Variants in COMMD10 observed in about 807,000 individuals in gnomAD.
COMMD10 encodes COMM domain containing 10.
COMMD10 carries 33 observed loss-of-function variants against 28.9 expected under a neutral mutation model. The observed-to-expected ratio is 1.14, with a 90% CI of 0.87 to 1.53. The LOEUF is 1.53. COMMD10 is among the 40% of genes most tolerant of loss of function. COMMD10 has a pLI of 0.00. For synonymous variants in COMMD10, 110 were observed against 81.7 expected (o/e 1.35, Z -1.87); for missense variants, 310 against 233.4 (o/e 1.33, Z -2.14).
intron 6 of COMMD10, 97 bp downstream of exon 6, chr5:116,291,673 A>G (rs1751365686): frequency 1.5e-6 from 1 of 668,904 alleles, no homozygotes; most frequent in Non-Finnish European, 2.5e-6. Context: ...CATATTATGG[A>G]ACTAAGTTCT....
At chr5:116,251,290 A>AC (rs1554055489) in intron 5 of COMMD10, among the ~76,000 whole-genome samples, 2 of 136,930 alleles carry the variant, frequency 1.5e-5, no homozygotes, top group African/African-American at 5.7e-5. Flanking sequence ...TTATTTATTT[A>AC]TTTATTTATT....
At chr5:116,209,410 A>G (rs1484071303) in intron 5 of COMMD10, among the ~76,000 whole-genome samples, 1 of 152,198 alleles carries the variant, frequency 6.6e-6, no homozygotes. Flanking sequence ...TGATTTCAAA[A>G]TAGTGTTTCT....
At chr5:116,160,616 A>G (rs745739942) in intron 5 of COMMD10, among the ~76,000 whole-genome samples, 5 of 151,734 alleles carry the variant, frequency 3.3e-5, no homozygotes, top group African/African-American at 4.9e-5. Flanking sequence ...AAGAACTGCT[A>G]TCTGTGAAAG....
At chr5:116,173,007 T>A (rs1003328900) in intron 5 of COMMD10, among the ~76,000 whole-genome samples, 1 of 152,148 alleles carries the variant, frequency 6.6e-6, no homozygotes, top group Non-Finnish European at 1.5e-5. Flanking sequence ...ATGGCAGTAT[T>A]AGAATACTGA....
At chr5:116,133,285 A>C (rs1481717047) in intron 4 of COMMD10, among the ~76,000 whole-genome samples, 1 of 152,216 alleles carries the variant, frequency 6.6e-6, no homozygotes, top group East Asian at 1.9e-4. Context: ...TGTGAAGTTC[A>C]GTATAAAGTC....
chr5:116,175,865 CA>C (rs1246266083), intron 5 of COMMD10, among the ~76,000 whole-genome samples: 3 of 151,814 alleles, frequency 2.0e-5, no homozygotes, highest in Admixed American at 6.6e-5. Context: ...TGCTAGAGGC[CA>C]GGGGGAATGA....
chr5:116,222,695 T>C (rs887873761), intron 5 of COMMD10, among the ~76,000 whole-genome samples: 10 of 152,154 alleles, frequency 6.6e-5, no homozygotes, highest in Non-Finnish European at 1.5e-4. Flanking sequence ...TTTATTTATT[T>C]GTTTATTATT....
intron 5 of COMMD10, among the ~76,000 whole-genome samples, chr5:116,201,659 C>T (rs75652068): frequency 0.016 from 2,375 of 152,086 alleles, 79 homozygotes; most frequent in African/African-American, 0.055. Context: ...TGGTGACTTC[C>T]AAGCTTCTTA....
chr5:116,157,841 C>T (rs2112562213), intron 5 of COMMD10, among the ~76,000 whole-genome samples: 1 of 151,920 alleles, frequency 6.6e-6, no homozygotes, highest in South Asian at 2.1e-4. Context: ...TCCAGAACTG[C>T]TAGTAACAGT....
chr5:116,247,632 T>TA (rs1172397375), intron 5 of COMMD10, among the ~76,000 whole-genome samples: 4 of 151,996 alleles, frequency 2.6e-5, no homozygotes, highest in Admixed American at 1.3e-4. Flanking sequence ...TATGCAGCCA[T>TA]AAAAAAGAAC....
At chr5:116,281,538 A>G (rs900424117) in intron 5 of COMMD10, among the ~76,000 whole-genome samples, 4 of 151,702 alleles carry the variant, frequency 2.6e-5, no homozygotes, top group Non-Finnish European at 4.4e-5. Context: ...GTACTAATGC[A>G]TGAGATCAGC....
intron 5 of COMMD10, among the ~76,000 whole-genome samples, chr5:116,147,731 C>T (rs574721922): frequency 2.0e-5 from 3 of 151,818 alleles, no homozygotes; most frequent in Admixed American, 2.0e-4. Context: ...TTGATTTTGT[C>T]TTTTAAAAAA....
chr5:116,104,742 C>T (rs1750783682), intron 4 of COMMD10, among the ~76,000 whole-genome samples: 1 of 152,020 alleles, frequency 6.6e-6, no homozygotes, highest in Non-Finnish European at 1.5e-5. Flanking sequence ...GCCTCAGCCT[C>T]CCTAGTAGCT....
At chr5:116,160,068 T>C (rs941331881) in intron 5 of COMMD10, among the ~76,000 whole-genome samples, 2 of 152,178 alleles carry the variant, frequency 1.3e-5, no homozygotes, top group South Asian at 2.1e-4. Context: ...TAGTGAATTA[T>C]AGAGGTCCAT....
chr5:116,264,416 T>A (rs946297891), intron 5 of COMMD10, among the ~76,000 whole-genome samples: 1 of 151,844 alleles, frequency 6.6e-6, no homozygotes, highest in Non-Finnish European at 1.5e-5. Flanking sequence ...AAAATCTAGG[T>A]CTGTAATTTG....
At chr5:116,236,433 G>A (rs923681674) in intron 5 of COMMD10, among the ~76,000 whole-genome samples, 11 of 149,580 alleles carry the variant, frequency 7.4e-5, no homozygotes, top group Non-Finnish European at 1.3e-4. Context: ...GATCCCAGGA[G>A]GCGGAGGTTG....
intron 5 of COMMD10, among the ~76,000 whole-genome samples, chr5:116,277,296 T>C (rs1233694999): frequency 6.6e-6 from 1 of 151,902 alleles, no homozygotes; most frequent in Admixed American, 6.6e-5. Flanking sequence ...CTTTTTAGAA[T>C]ATGCATCATT....
intron 5 of COMMD10, among the ~76,000 whole-genome samples, chr5:116,168,164 A>C (rs979372506): frequency 6.6e-6 from 1 of 151,702 alleles, no homozygotes; most frequent in Non-Finnish European, 1.5e-5. Flanking sequence ...AAAGCAAAAA[A>C]AAAAAAAAAA....
At chr5:116,266,648 G>T (rs193208737) in intron 5 of COMMD10, among the ~76,000 whole-genome samples, 1 of 151,690 alleles carries the variant, frequency 6.6e-6, no homozygotes, top group Non-Finnish European at 1.5e-5. Flanking sequence ...TGTTTTCACA[G>T]AGAATTTTAG....
Sources: allele counts gnomAD v4.1 joint callset (sites outside exome capture counted in the v4.1 genomes callset), GRCh38; gene constraint gnomAD v4.1.1; transcripts MANE v1.5; gene names NCBI Gene and HGNC (gene_info 2026-07-23, HGNC 2026-07-21).